Variants in DDC observed in about 807,000 individuals in gnomAD.
The protein encoded by DDC is aromatic-L-amino-acid decarboxylase.
DDC carries 43 observed loss-of-function variants against 60.0 expected under a neutral mutation model. The ratio of observed to expected loss-of-function variants is 0.72; its 90% confidence interval spans 0.56 to 0.92. The LOEUF is 0.92. Among genes scored for constraint, DDC ranks in the 40% least tolerant of loss-of-function variants. DDC has a pLI of 0.00. For synonymous variants in DDC, 232 were observed against 234.6 expected, an observed-to-expected ratio of 0.99 and a Z score of 0.10; for missense variants, 573 against 620.2, an observed-to-expected ratio of 0.92 and a Z score of 0.81.
intron 9 of DDC, among the ~76,000 whole-genome samples, chr7:50,493,734 T>C (rs1182937487): frequency 6.6e-6 from 1 of 152,000 alleles, no homozygotes; most frequent in East Asian, 1.9e-4. Context: ...TTTAAAATTA[T>C]ATAGCAGAAG....
At chr7:50,562,487 G>A (rs1389338013) in intron 1 of DDC, among the ~76,000 whole-genome samples, 9 of 152,256 alleles carry the variant, frequency 5.9e-5, no homozygotes, top group Non-Finnish European at 1.0e-4. Flanking sequence ...GGCCCCAGCC[G>A]TGAGCATTGG....
In DDC at chr7:50,460,266, C is replaced by T. The variant is rs562746026; in HGVS notation, c.*19-1423G>A. Among the ~76,000 whole-genome samples the T allele has an allele frequency of 4.3e-3, 621 of 145,742 alleles. 8 individuals are homozygous for T. Among genetic ancestry groups the T allele is most frequent in the Non-Finnish European group, 6.9e-3 (455 of 66,036 alleles). Reference sequence around the variant, plus strand: ...CAGCCCCTGGCCCAGCCTGCCGCCCCGTCCGGGAGGTGAGGGGCGCCTCTG... The same window carrying T: ...CAGCCCCTGGCCCAGCCTGCCGCCCTGTCCGGGAGGTGAGGGGCGCCTCTG... On this transcript the variant is annotated intron_variant, in intron 14 of 14. Transcript: ENST00000444124.
At chr7:50,500,609 G>C (rs1234275755) in intron 7 of DDC, among the ~76,000 whole-genome samples, 1 of 152,198 alleles carries the variant, frequency 6.6e-6, no homozygotes, top group Non-Finnish European at 1.5e-5. Flanking sequence ...CTGGGGTTAT[G>C]CAAGCACCAG....
At chr7:50,562,348 C>A (rs2045359877) in intron 1 of DDC, among the ~76,000 whole-genome samples, 1 of 152,216 alleles carries the variant, frequency 6.6e-6, no homozygotes, top group Non-Finnish European at 1.5e-5. Flanking sequence ...GGAGATTAGG[C>A]CCCATCTGCA....
intron 9 of DDC, among the ~76,000 whole-genome samples, chr7:50,486,613 C>T (rs944001740): frequency 1.3e-5 from 2 of 152,186 alleles, no homozygotes; most frequent in African/African-American, 4.8e-5. Context: ...CCTTCCTCCT[C>T]ATTCACATGT....
In DDC at chr7:50,470,354, G is replaced by A. The variant is rs11575494; in HGVS notation, c.1042-183C>T. Among the ~76,000 whole-genome samples, 6,040 of 152,278 alleles carry A rather than the reference G, an allele frequency of 0.04. 254 individuals carry two copies. The highest frequency in any genetic ancestry group is 0.11 in the African/African-American group (4,376 of 41,538). ...GGTGATGTGGGCAGAGGCTTTCTTTGCAAATCTCCAAGAGAAAGGAACACA... is the reference window on the plus strand; with the variant it reads ...GGTGATGTGGGCAGAGGCTTTCTTTACAAATCTCCAAGAGAAAGGAACACA... On this transcript the variant is annotated intron_variant, in intron 11 of 14. Transcript: ENST00000444124.
At chr7:50,486,483 G>A (rs181912791) in intron 9 of DDC, among the ~76,000 whole-genome samples, 66 of 152,310 alleles carry the variant, frequency 4.3e-4, no homozygotes, top group Non-Finnish European at 8.2e-4. Flanking sequence ...TCAGTAAGTA[G>A]ATGATCATTA....
intron 1 of DDC, among the ~76,000 whole-genome samples, chr7:50,547,375 C>T (rs1332160967): frequency 1.3e-5 from 2 of 151,642 alleles, no homozygotes; most frequent in Admixed American, 6.6e-5. Context: ...AGACACCTGG[C>T]TAATTTTTTT....
chr7:50,517,609 C>A (rs2043767710), intron 6 of DDC, among the ~76,000 whole-genome samples: 1 of 152,014 alleles, frequency 6.6e-6, no homozygotes, highest in South Asian at 2.1e-4. Flanking sequence ...TAAAGGGCAT[C>A]CAAATCAGTA....
intron 13 of DDC, among the ~76,000 whole-genome samples, chr7:50,463,691 GT>G (rs886660213): frequency 4.6e-5 from 7 of 152,128 alleles, no homozygotes; most frequent in East Asian, 1.9e-4. Flanking sequence ...CATGGTCTAA[GT>G]TTTTTTAAGG....
intron 7 of DDC, among the ~76,000 whole-genome samples, chr7:50,500,422 G>A (rs117803900): frequency 0.019 from 2,925 of 152,266 alleles, 164 homozygotes; most frequent in Admixed American, 0.12. Context: ...CAAACGTTCA[G>A]ACTACAGCAA....
intron 12 of DDC, among the ~76,000 whole-genome samples, chr7:50,469,226 G>A (rs1195903034): frequency 2.1e-5 from 3 of 145,484 alleles, no homozygotes; most frequent in Non-Finnish European, 4.5e-5. Context: ...TTACATGCGT[G>A]AGCCACCACA....
chr7:50,557,003 T>C (rs955602906), intron 1 of DDC, among the ~76,000 whole-genome samples: 1 of 152,202 alleles, frequency 6.6e-6, no homozygotes, highest in African/African-American at 2.4e-5. Flanking sequence ...CGCAAGCTCA[T>C]GCAGGCAGAG....
intron 1 of DDC, among the ~76,000 whole-genome samples, chr7:50,550,265 G>T (rs1439979448): frequency 6.6e-6 from 1 of 152,168 alleles, no homozygotes; most frequent in East Asian, 1.9e-4. Flanking sequence ...GTTTGCTGAA[G>T]GATCAGATGA....
chr7:50,553,161 A>G (rs550478062), intron 1 of DDC, among the ~76,000 whole-genome samples: 5 of 152,328 alleles, frequency 3.3e-5, no homozygotes, highest in Admixed American at 2.0e-4. Context: ...GCAACCATGC[A>G]CTGTGGATCT....
At position 50,544,006 on chromosome 7, in the gene DDC, C is replaced by A. The variant is rs781573378; in HGVS notation, c.80G>T (p.Arg27Leu). 3 of 1,614,172 alleles carry A rather than the reference C, an allele frequency of 1.9e-6. No individual in the cohort carries two copies. In the South Asian group the frequency reaches 3.3e-5, roughly 18 times the overall value. Residue 27 changes from arginine to leucine, a missense_variant, in exon 2 of 15, where the codon CGC (arginine) becomes CTC (leucine). Physicochemically the swap from Arg to Leu is moderately radical, Grantham distance 102. Transcript: ENST00000444124. ...GGGCTCCACGTCAGGGTAGACCTGGCGTCCCTCAATGCCTTCCATGTAGTT... is the reference window on the plus strand; with the variant it reads ...GGGCTCCACGTCAGGGTAGACCTGGAGTCCCTCAATGCCTTCCATGTAGTT... ...MANYMEGIEG[R>L]QVYPDVEPGY...
At chr7:50,553,318 A>C (rs565736275) in intron 1 of DDC, among the ~76,000 whole-genome samples, 1 of 152,260 alleles carries the variant, frequency 6.6e-6, no homozygotes, top group South Asian at 2.1e-4. Context: ...ATTCCAGTAA[A>C]AAGGAGCCAT....
At chr7:50,460,811 T>C (rs1585125647) in intron 14 of DDC, among the ~76,000 whole-genome samples, 1 of 151,548 alleles carries the variant, frequency 6.6e-6, no homozygotes, top group African/African-American at 2.4e-5. Context: ...GGATTAAGGG[T>C]GGTGCAAGAT....
At chr7:50,509,608 T>C (rs2043493677) in intron 6 of DDC, among the ~76,000 whole-genome samples, 1 of 152,232 alleles carries the variant, frequency 6.6e-6, no homozygotes, top group Non-Finnish European at 1.5e-5. Context: ...ACAGACACTC[T>C]AGTAAATAAA....
Sources: allele counts gnomAD v4.1 joint callset (sites outside exome capture counted in the v4.1 genomes callset), GRCh38; gene constraint gnomAD v4.1.1; transcripts MANE v1.5; gene names NCBI Gene and HGNC (gene_info 2026-07-23, HGNC 2026-07-21).